AMOTL2: variants seen among roughly 807,000 people sequenced by gnomAD.
AMOTL2 encodes the protein angiomotin-like protein 2.
A neutral mutation model predicts 78.4 loss-of-function variants in AMOTL2; 33 were observed. The observed-to-expected ratio is 0.42, with a 90% CI of 0.32 to 0.56. AMOTL2 has a LOEUF of 0.56. AMOTL2 is among the 20% of genes least tolerant of loss of function. The probability of loss-of-function intolerance (pLI) is 0.12; values close to 1 mark genes in which losing one functional copy is unlikely to be tolerated. For synonymous variants in AMOTL2, 422 were observed against 428.8 expected, an observed-to-expected ratio of 0.98 and a Z score of 0.20; for missense variants, 983 against 1,030.1, an observed-to-expected ratio of 0.95 and a Z score of 0.63.
At chr3:134,375,354 T>C (rs2018046294), upstream of AMOTL2, 3 of 1,018,066 alleles carry the variant, frequency 2.9e-6, no homozygotes, top group Non-Finnish European at 4.4e-6. Flanking sequence ...CATCCCTGTG[T>C]TGTAAATGAG....
chr3:134,374,268 G>A (rs368395815), intron 1 of AMOTL2, 74 bp downstream of exon 1: 5 of 985,340 alleles, frequency 5.1e-6, no homozygotes, highest in East Asian at 1.1e-4. Context: ...GGGTTGCGCC[G>A]AGACTCCAGC....
At chr3:134,375,406 A>G (rs1022248195), upstream of AMOTL2, 29 of 679,176 alleles carry the variant, frequency 4.3e-5, no homozygotes, top group African/African-American at 4.3e-4. Context: ...GCCCAGAGTC[A>G]CACACAGTGA....
Position 134,372,157 on chromosome 3 carries a change from C to T in AMOTL2, c.-61-663G>A, listed in dbSNP as rs553795721. Among the ~76,000 whole-genome samples, 20 of 152,296 alleles carry T rather than the reference C, an allele frequency of 1.3e-4. No homozygotes were observed. In the East Asian group the frequency reaches 3.9e-3, roughly 29 times the overall value. Reference sequence around the variant, plus strand: ...CATCCCAGAGCCTTGGCACAGTCAACCTACCACCCTCTAGCCCGCTGAACC... The same window carrying T: ...CATCCCAGAGCCTTGGCACAGTCAATCTACCACCCTCTAGCCCGCTGAACC... On this transcript the variant is annotated intron_variant, in intron 1 of 9. Coordinates refer to ENST00000249883, the MANE Select transcript of AMOTL2 (RefSeq NM_016201.4).
chr3:134,371,149 G>A lies in AMOTL2; in HGVS notation c.285C>T (p.Cys95=), dbSNP rs1408208062. 6.2e-7 allele frequency: 1 copy of A among 1,613,874 alleles called. No homozygotes were observed. Among genetic ancestry groups the A allele is most frequent in the East Asian group, 2.2e-5 (1 of 44,854 alleles). Residue 95 remains cysteine (C), a synonymous_variant, in exon 2 of 10, where the codon TGC becomes TGT. Transcript: ENST00000249883. The part of the protein sequence containing the change: ...HLAENTLYRL[C]PQPSKGEELP... ...GCTCCTCTCCCTTGCTGGGCTGTGG[G>A]CATAGCCGGTAGAGGGTGTTCTCTG...
Position 134,358,527 on chromosome 3 carries a change from C to G in AMOTL2, c.2284+13G>C. 6.2e-7 allele frequency: 1 copy of G among 1,609,606 alleles called. No homozygotes were observed. The highest frequency in any genetic ancestry group is 8.5e-7 in the Non-Finnish European group (1 of 1,177,612). On this transcript the variant is annotated intron_variant, in intron 9 of 9. Transcript: ENST00000249883. ...GCCCTACCTAGCACAGAAGTGGGGT[C>G]AGGAGGACTTACCCAGAGAGGCTGC...
At chr3:134,375,223 G>A (rs774775902), upstream of AMOTL2, 15 of 1,535,716 alleles carry the variant, frequency 9.8e-6, no homozygotes, top group Non-Finnish European at 1.2e-5. Context: ...GCTCTGTCCA[G>A]TTCTTCCCCA....
rs1467661717 is a variant in AMOTL2, at chr3:134,355,911, T to C, written c.*1794A>G. On this transcript the variant is annotated 3_prime_UTR_variant, in exon 10 of 10. Coordinates refer to ENST00000249883, the MANE Select transcript of AMOTL2 (RefSeq NM_016201.4). ...TTTTTTTTTAATTAAAATACTGTTA[T>C]ACCCAGTGGAATGCGGCAGCAATCC... 6.6e-6 allele frequency: 1 copy of C among 152,660 alleles called. No individual in the cohort carries two copies. The highest frequency in any genetic ancestry group is 2.4e-5 in the African/African-American group (1 of 41,470). 9.5% of individuals were successfully genotyped at this position (152,660 alleles called of 1,614,324 possible).
In AMOTL2 at chr3:134,370,783, TACA is replaced by T; in HGVS notation, c.648_650del (p.Val217del). ...CAGCAGTGGTGGTCTCATGAGCTAG[TACA>T]ACATGAGGGTACTGAGGTGGGGGTC... is the stretch of plus-strand genomic sequence containing the variant. On this transcript the variant is annotated inframe_deletion, in exon 2 of 10. Coordinates refer to ENST00000249883, the MANE Select transcript of AMOTL2 (RefSeq NM_016201.4). 2 of 1,535,956 alleles carry T rather than the reference TACA, an allele frequency of 1.3e-6. No individual in the cohort carries two copies. Among genetic ancestry groups the T allele is most frequent in the African/African-American group, 1.4e-5 (1 of 72,344 alleles).
At chr3:134,374,086 C>T in intron 1 of AMOTL2, 2 of 380,934 alleles carry the variant, frequency 5.3e-6, no homozygotes, top group Non-Finnish European at 7.2e-6. Flanking sequence ...AGTCGGCCCT[C>T]TCCCCTCTCC....
intron 9 of AMOTL2, 71 bp from the exon 10 acceptor site, chr3:134,357,834 T>C (rs1180153733): frequency 4.7e-6 from 7 of 1,496,648 alleles, no homozygotes; most frequent in South Asian, 2.3e-5. Context: ...CCTGGCACAT[T>C]TGAAAGACAA....
Position 134,361,786 on chromosome 3 carries a change from T to A in AMOTL2, c.1301A>T (p.Gln434Leu), listed in dbSNP as rs779874351. Reference protein sequence around the residue: ...LAQSYEQQQEQEKLEREMALL... With the variant: ...LAQSYEQQQELEKLEREMALL... The stretch of plus-strand genomic sequence containing the variant: ...TGCCATCTCTCGCTCCAGCTTCTCT[T>A]GCTCCTGCTGCTGTTCGTAGCCTGT... The change falls in exon 6 of 10, where the codon CAA (glutamine) becomes CTA (leucine). Residue 434 changes from glutamine (Q) to leucine (L), a missense_variant. Transcript: ENST00000249883. 13 of 1,563,972 alleles carry A rather than the reference T, an allele frequency of 8.3e-6. No homozygotes were observed. The highest frequency in any genetic ancestry group is 1.0e-5 in the Non-Finnish European group (12 of 1,151,146).
chr3:134,370,915 C>T lies in AMOTL2; in HGVS notation c.519G>A (p.Arg173=). ...GGGAGGAGCTCATGTGGCTGGGGGC[C>T]CGGGCGCCGTTCCTCTCCAGGGACA... ...LQLSLERNGA[R]APSHMSSSHS... The change falls in exon 2 of 10, where the codon CGG becomes CGA. Residue 173 remains arginine, a synonymous_variant. Transcript: ENST00000249883. 1 of 1,612,236 alleles carries T rather than the reference C, an allele frequency of 6.2e-7. No homozygotes were observed. Among genetic ancestry groups the T allele is most frequent in the Non-Finnish European group, 8.5e-7 (1 of 1,179,436 alleles).
intron 2 of AMOTL2, among the ~76,000 whole-genome samples, chr3:134,369,250 A>G (rs535791892): frequency 3.3e-5 from 5 of 152,126 alleles, no homozygotes; most frequent in Non-Finnish European, 5.9e-5. Flanking sequence ...CCACTGCTAA[A>G]ATGGCCATTC....
chr3:134,371,424 G>A lies in AMOTL2; in HGVS notation c.10C>T (p.Leu4=), dbSNP rs776382008. The A allele has an allele frequency of 6.2e-7, 1 of 1,602,666 alleles. No individual in the cohort carries two copies. Among genetic ancestry groups the A allele is most frequent in the Non-Finnish European group, 8.5e-7 (1 of 1,179,950 alleles). The change falls in exon 2 of 10, where the codon CTG becomes TTG. Residue 4 remains leucine (L), a synonymous_variant. Coordinates refer to ENST00000249883, the MANE Select transcript of AMOTL2 (RefSeq NM_016201.4). ...AGGACTGTCCCCGAGGAGTCTTCCAGTGTCCTCATGCTTCTTTGGCTTGCA... is the reference window on the plus strand; with the variant it reads ...AGGACTGTCCCCGAGGAGTCTTCCAATGTCCTCATGCTTCTTTGGCTTGCA... MRT[L]EDSSGTVLHR... is the part of the protein sequence containing the mutation.
chr3:134,358,070 T>C (rs1251202532), intron 9 of AMOTL2, among the ~76,000 whole-genome samples: 1 of 152,194 alleles, frequency 6.6e-6, no homozygotes, highest in Non-Finnish European at 1.5e-5. Flanking sequence ...TGTGGTTTTC[T>C]GAGATCATGA....
At position 134,355,689 on chromosome 3, in the gene AMOTL2, G is replaced by A. The variant is rs1576568862; in HGVS notation, c.*2016C>T. Among the ~76,000 whole-genome samples, 1 of 152,108 alleles carries A rather than the reference G, an allele frequency of 6.6e-6. No homozygotes were observed. The highest frequency in any genetic ancestry group is 2.4e-5 in the African/African-American group (1 of 41,408). On this transcript the variant is annotated 3_prime_UTR_variant, in exon 10 of 10. Coordinates refer to ENST00000249883, the MANE Select transcript of AMOTL2 (RefSeq NM_016201.4). ...CTTCCCCTCCCAGCCTTCAAGAAATGTTATCTATGAAAGGGGAAAAATGCC... is the reference window on the plus strand; with the variant it reads ...CTTCCCCTCCCAGCCTTCAAGAAATATTATCTATGAAAGGGGAAAAATGCC...
rs1189917295 is a variant in AMOTL2 at position 134,358,426 on chromosome 3, G to T, written c.2284+114C>A. The T allele has an allele frequency of 6.2e-6, 8 of 1,282,356 alleles. No homozygotes were observed. The Admixed American group carries it at 1.1e-4, about 17-fold the overall frequency. 79.4% of individuals were successfully genotyped at this position (1,282,356 alleles called of 1,614,324 possible). On this transcript the variant is annotated intron_variant, in intron 9 of 9. Transcript: ENST00000249883. ...CTCTGGCTATGCACGGCTCCCCATG[G>T]AGTGCGGGCAATGACCCGGAGGGGG...
At chr3:134,359,692 T>C (rs1387488372) in intron 7 of AMOTL2, among the ~76,000 whole-genome samples, 189 bp from the exon 8 acceptor site, 1 of 152,158 alleles carries the variant, frequency 6.6e-6, no homozygotes, top group African/African-American at 2.4e-5. Flanking sequence ...TGGAATTTGA[T>C]GCTCTTAGAG....
chr3:134,371,055 G>T lies in AMOTL2; in HGVS notation c.379C>A (p.His127Asn). Residue 127 changes from histidine (H) to asparagine (N), a missense_variant, in exon 2 of 10, where the codon CAT (histidine) becomes AAT (asparagine). Transcript: ENST00000249883. ...YAAQQAGTRP[H>N]AGDRDPRGAP... is the part of the protein sequence containing the mutation. ...CCACGGGGATCTCGGTCCCCCGCAT[G>T]TGGCCGGGTCCCTGCCTGCTGGGCC... 1 of 1,609,724 alleles carries T rather than the reference G, an allele frequency of 6.2e-7. No individual in the cohort carries two copies. Among genetic ancestry groups the T allele is most frequent in the Non-Finnish European group, 8.5e-7 (1 of 1,178,078 alleles).
Sources: gnomAD v4.1 joint callset for allele counts (sites outside exome capture counted in the v4.1 genomes callset) on GRCh38, gnomAD v4.1.1 for gene constraint, MANE v1.5 for transcripts, NCBI Gene and HGNC (gene_info 2026-07-23, HGNC 2026-07-21) for gene names.